ATRN: variants seen among roughly 807,000 people sequenced by gnomAD.
ATRN encodes the protein attractin, also known as attractin-2.
A neutral mutation model predicts 178.7 loss-of-function variants in ATRN; 54 were observed. The observed-to-expected ratio is 0.30, with a 90% CI of 0.24 to 0.38. The LOEUF (loss-of-function observed/expected upper bound fraction) is 0.38, where lower values mean the gene tolerates loss of function less well. ATRN is among the 10% of genes least tolerant of loss of function. The pLI is 1.00. For synonymous variants in ATRN, 636 were observed against 663.0 expected, an observed-to-expected ratio of 0.96 and a Z score of 0.63; for missense variants, 1,443 against 1,815.1, an observed-to-expected ratio of 0.79 and a Z score of 3.73.
intron 4 of ATRN, among the ~76,000 whole-genome samples, chr20:3,546,321 C>T (rs150208484): frequency 2.6e-5 from 4 of 150,970 alleles, no homozygotes; most frequent in Non-Finnish European, 4.4e-5. Flanking sequence ...CTTTTAAATT[C>T]TGAATTACAT....
At chr20:3,641,104 G>A (rs2087064011) in intron 27 of ATRN, among the ~76,000 whole-genome samples, 1 of 152,210 alleles carries the variant, frequency 6.6e-6, no homozygotes, top group African/African-American at 2.4e-5. Context: ...ACAGGGGCTG[G>A]GAGAAGGGGA....
intron 21 of ATRN, among the ~76,000 whole-genome samples, chr20:3,597,411 A>C (rs368111983): frequency 2.0e-5 from 3 of 152,310 alleles, no homozygotes; most frequent in East Asian, 1.9e-4. Flanking sequence ...CACATTAAAA[A>C]CGACTTAACA....
intron 12 of ATRN, among the ~76,000 whole-genome samples, chr20:3,573,742 TTTTTG>T (rs2086162073): frequency 7.2e-6 from 1 of 139,594 alleles, no homozygotes; most frequent in Non-Finnish European, 1.5e-5. Context: ...AAAAATTTAT[TTTTTG>T]TTTTATTTTA....
rs1224379266 is a variant in ATRN at position 3,592,896 on chromosome 20, A to G, written c.3323-1583A>G. On this transcript the variant is annotated intron_variant, in intron 19 of 28. Coordinates refer to ENST00000262919, the MANE Select transcript of ATRN (RefSeq NM_139321.3). The stretch of plus-strand genomic sequence containing the variant: ...CCATTCTCCACTACTCCTAAGTAAA[A>G]GTTCTTGCTCAGATTAAAAGGTATT... Among the ~76,000 whole-genome samples, 4 of 152,204 alleles carry G rather than the reference A, an allele frequency of 2.6e-5. No homozygotes were observed. In the South Asian group the frequency reaches 8.3e-4, roughly 32 times the overall value.
chr20:3,478,771 C>G (rs2084570493), intron 1 of ATRN, among the ~76,000 whole-genome samples: 1 of 152,144 alleles, frequency 6.6e-6, no homozygotes, highest in Non-Finnish European at 1.5e-5. Flanking sequence ...CCTTTCACAT[C>G]CCTTTTTTTC....
In ATRN at chr20:3,545,066, A is replaced by C. The variant is rs943309518; in HGVS notation, c.609-696A>C. On this transcript the variant is annotated intron_variant, in intron 3 of 28. Transcript: ENST00000262919. ...GTTTAGCTTCTTCGTATTCTTATAT[A>C]AATATTTTATATAAAATATCTTGGG... Among the ~76,000 whole-genome samples the C allele has an allele frequency of 2.6e-5, 4 of 152,234 alleles. 1 individual carries two copies. The highest frequency in any genetic ancestry group is 9.6e-5 in the African/African-American group (4 of 41,564).
At chr20:3,490,601 G>A in intron 1 of ATRN, 8 of 1,034,916 alleles carry the variant, frequency 7.7e-6, no homozygotes, top group Non-Finnish European at 4.6e-6. Context: ...CGGAGATCGA[G>A]GTAACGACCA....
chr20:3,471,397 A>C lies in ATRN; in HGVS notation c.290A>C (p.Glu97Ala). ...GCGGTGTCGGGCTCAGCCGCAGCCG[A>C]GGCCAAGGAATGTGACCGGCCCTGT... ...AAAVSGSAAAEAKECDRPCVN... is the reference protein window; with the variant it reads ...AAAVSGSAAAAAKECDRPCVN... The change falls in exon 1 of 29, where the codon GAG becomes GCG. Residue 97 changes from glutamate to alanine, a missense_variant. Around this residue, in one of 4 missense-constraint regions of ATRN, gnomAD observed 862 missense variants for 972.1 expected, o/e 0.89. Transcript: ENST00000262919. 6.7e-7 allele frequency: 1 copy of C among 1,488,830 alleles called. No individual in the cohort carries two copies. Among genetic ancestry groups the C allele is most frequent in the Non-Finnish European group, 8.9e-7 (1 of 1,127,708 alleles). The allele number at this position is 1,488,830 out of a possible 1,614,324, so 92.2% of individuals were successfully genotyped here. A position where few individuals can be genotyped will look rare whatever the true frequency, so the allele number is the denominator to read the frequency against.
At chr20:3,568,253 C>G (rs2086066278) in intron 11 of ATRN, among the ~76,000 whole-genome samples, 1 of 151,058 alleles carries the variant, frequency 6.6e-6, no homozygotes, top group African/African-American at 2.4e-5. Flanking sequence ...GATCGCGCCA[C>G]TGCACTCCAG....
intron 1 of ATRN, among the ~76,000 whole-genome samples, chr20:3,513,327 G>A (rs1443762142): frequency 6.6e-6 from 1 of 152,144 alleles, no homozygotes; most frequent in Non-Finnish European, 1.5e-5. Context: ...TTCTACATAT[G>A]GCTAGCCAGT....
In ATRN at chr20:3,549,329, T is replaced by C. The variant is rs1335335942; in HGVS notation, c.1103T>C (p.Met368Thr). The C allele has an allele frequency of 1.3e-6, 2 of 1,585,022 alleles. No homozygotes were observed. The highest frequency in any genetic ancestry group is 3.8e-5 in the Admixed American group (2 of 52,256). ...GYMFNHSDYN[M>T]VLAYDLASRE... ...ATGTTCAACCACTCAGATTATAACA[T>C]GGTTCTAGCGTAAGTCGTTTTAAAC... The change falls in exon 6 of 29, where the codon ATG becomes ACG. Residue 368 changes from methionine to threonine, a missense_variant. Around this residue, in one of 4 missense-constraint regions of ATRN, gnomAD observed 862 missense variants for 972.1 expected, o/e 0.89. Transcript: ENST00000262919.
chr20:3,514,076 T>C (rs1188940673), intron 1 of ATRN, among the ~76,000 whole-genome samples: 1 of 152,184 alleles, frequency 6.6e-6, no homozygotes, highest in South Asian at 2.1e-4. Context: ...CAGTTGGAAA[T>C]GCAGAAATCA....
In ATRN at chr20:3,471,203, C is replaced by G; in HGVS notation, c.96C>G (p.Asp32Glu). 6.7e-7 allele frequency: 1 copy of G among 1,500,978 alleles called. No individual in the cohort carries two copies. The highest frequency in any genetic ancestry group is 8.8e-7 in the Non-Finnish European group (1 of 1,132,026). The allele number at this position is 1,500,978 out of a possible 1,614,324, so 93.0% of individuals were successfully genotyped here. Residue 32 changes from aspartate to glutamate, a missense_variant, in exon 1 of 29, where the codon GAC (aspartate) becomes GAG (glutamate). This residue lies in a region of ATRN where 862 missense variants were observed against 972.1 expected (regional missense o/e 0.89). Coordinates refer to ENST00000262919, the MANE Select transcript of ATRN (RefSeq NM_139321.3). ...LAGRSGGPHWDWDVTRAGRPG... is the reference protein window; with the variant it reads ...LAGRSGGPHWEWDVTRAGRPG... The stretch of plus-strand genomic sequence containing the variant: ...GCAGGAGCGGCGGGCCGCACTGGGA[C>G]TGGGACGTGACCAGGGCTGGGAGGC...
At chr20:3,602,927 C>A (rs557487636) in intron 23 of ATRN, among the ~76,000 whole-genome samples, 3 of 128,178 alleles carry the variant, frequency 2.3e-5, no homozygotes, top group Non-Finnish European at 3.1e-5. Context: ...TGCATCATTG[C>A]ACTCCAGCCT....
intron 27 of ATRN, among the ~76,000 whole-genome samples, chr20:3,643,074 C>T (rs1024226712): frequency 6.6e-5 from 10 of 152,146 alleles, no homozygotes; most frequent in African/African-American, 2.4e-4. Flanking sequence ...GATCCTCCCT[C>T]CTGGGTCTCC....
At chr20:3,593,720 A>C (rs2086485005) in intron 19 of ATRN, among the ~76,000 whole-genome samples, 1 of 152,186 alleles carries the variant, frequency 6.6e-6, no homozygotes, top group South Asian at 2.1e-4. Flanking sequence ...TTTATTTTTA[A>C]AGCATACCTC....
chr20:3,512,103 A>ATTTT (rs1234363088), intron 1 of ATRN, among the ~76,000 whole-genome samples: 4 of 117,292 alleles, frequency 3.4e-5, no homozygotes, highest in African/African-American at 1.2e-4. Flanking sequence ...ATATATATAT[A>ATTTT]TATATTTTTT....
intron 14 of ATRN, among the ~76,000 whole-genome samples, chr20:3,577,461 G>A (rs1185925258): frequency 6.6e-6 from 1 of 152,142 alleles, no homozygotes; most frequent in African/African-American, 2.4e-5. Flanking sequence ...GTGATCTCCA[G>A]CCCTGAAAAC....
At chr20:3,561,609 T>C (rs990671348) in intron 8 of ATRN, among the ~76,000 whole-genome samples, 3 of 152,236 alleles carry the variant, frequency 2.0e-5, no homozygotes, top group African/African-American at 7.2e-5. Context: ...TAAATTTCAT[T>C]GTATCTGTTG....
Sources: gnomAD v4.1 joint callset for allele counts (sites outside exome capture counted in the v4.1 genomes callset) on GRCh38, gnomAD v4.1.1 for gene constraint, gnomAD v4.1.1 regional missense constraint, MANE v1.5 for transcripts, NCBI Gene and HGNC (gene_info 2026-07-23, HGNC 2026-07-21) for gene names.